The following ILDR1 variants were observed in gnomAD, a reference collection of about 807,000 sequenced individuals.
ILDR1 encodes the protein immunoglobulin like domain containing receptor 1.
ILDR1 carries 56 observed loss-of-function variants against 62.4 expected under a neutral mutation model. The ratio of observed to expected loss-of-function variants is 0.90; its 90% CI spans 0.72 to 1.12. ILDR1 has a LOEUF of 1.12. ILDR1 is among the 50% of genes most tolerant of loss of function. ILDR1 has a pLI of 0.00. For synonymous variants in ILDR1, 284 were observed against 277.8 expected, an observed-to-expected ratio of 1.02 and a Z score of -0.22; for missense variants, 736 against 710.6, an observed-to-expected ratio of 1.04 and a Z score of -0.41.
At chr3:122,030,615 A>T in the ILDR1 span, among the ~76,000 whole-genome samples, 1 of 132,254 alleles carries the variant, frequency 7.6e-6, no homozygotes, top group Non-Finnish European at 1.6e-5. Context: ...ACAAAGAGGC[A>T]AGGGTTTTTC....
the ILDR1 span, among the ~76,000 whole-genome samples, chr3:122,038,841 C>A: frequency 6.6e-6 from 1 of 151,842 alleles, no homozygotes; most frequent in Non-Finnish European, 1.5e-5. Flanking sequence ...ATTGCATGGA[C>A]AGAAATAAAT....
At chr3:122,055,244 C>G in the ILDR1 span, 1 of 473,480 alleles carries the variant, frequency 2.1e-6, no homozygotes. Flanking sequence ...ACATATAGAC[C>G]TACGTCAATG....
At chr3:122,013,042 C>T (rs2071727104) in intron 1 of ILDR1, among the ~76,000 whole-genome samples, 1 of 152,118 alleles carries the variant, frequency 6.6e-6, no homozygotes, top group Non-Finnish European at 1.5e-5. Context: ...CTGATTCCCG[C>T]CATCAGGTAC....
At chr3:122,042,401 G>A in the ILDR1 span, among the ~76,000 whole-genome samples, 1 of 76,328 alleles carries the variant, frequency 1.3e-5, no homozygotes, top group Non-Finnish European at 2.6e-5. Context: ...CTTTATAGCA[G>A]CATGATTTAT....
intron 7 of ILDR1, among the ~76,000 whole-genome samples, chr3:121,992,738 G>A (rs2071368014): frequency 6.6e-6 from 1 of 152,226 alleles, no homozygotes; most frequent in African/African-American, 2.4e-5. Flanking sequence ...TTGGGGTATG[G>A]AAATGGGTTG....
At chr3:122,008,211 G>A (rs750752175) in intron 1 of ILDR1, among the ~76,000 whole-genome samples, 2 of 152,206 alleles carry the variant, frequency 1.3e-5, no homozygotes, top group Non-Finnish European at 2.9e-5. Flanking sequence ...AAGAAATTAA[G>A]AGGAGATTTT....
upstream of ILDR1, among the ~76,000 whole-genome samples, chr3:122,025,669 G>A (rs72965418): frequency 0.076 from 11,539 of 152,136 alleles, 1,334 homozygotes; most frequent in African/African-American, 0.25. Context: ...GTGCATCTGT[G>A]TTAGAATAAT....
At chr3:122,018,308 G>A (rs561109492) in intron 1 of ILDR1, among the ~76,000 whole-genome samples, 28 of 147,916 alleles carry the variant, frequency 1.9e-4, no homozygotes, top group Non-Finnish European at 3.6e-4. Context: ...ACCAAATACC[G>A]CATGTTCTCA....
chr3:122,023,685 T>C (rs1262277046), upstream of ILDR1, among the ~76,000 whole-genome samples: 1 of 152,178 alleles, frequency 6.6e-6, no homozygotes, highest in Non-Finnish European at 1.5e-5. Flanking sequence ...TTTTCCCCAG[T>C]GGGCCTCTTC....
At chr3:122,018,756 G>A (rs2071814331) in intron 1 of ILDR1, among the ~76,000 whole-genome samples, 1 of 152,200 alleles carries the variant, frequency 6.6e-6, no homozygotes, top group Non-Finnish European at 1.5e-5. Flanking sequence ...GTTCAACAGA[G>A]CTCTGGGATT....
the ILDR1 span, among the ~76,000 whole-genome samples, chr3:122,044,718 G>A: frequency 2.0e-5 from 3 of 151,584 alleles, no homozygotes; most frequent in South Asian, 2.1e-4. Context: ...GGTGTTTGTA[G>A]TATTCTCTGA....
At chr3:122,047,669 C>A in the ILDR1 span, among the ~76,000 whole-genome samples, 3 of 152,248 alleles carry the variant, frequency 2.0e-5, no homozygotes, top group South Asian at 6.2e-4. Context: ...TGGGAGTGAC[C>A]CGATTTTCCA....
intron 5 of ILDR1, 38 bp downstream of exon 5, chr3:122,001,270 A>C: frequency 6.2e-7 from 1 of 1,613,000 alleles, no homozygotes; most frequent in Non-Finnish European, 8.5e-7. Context: ...CCTGGTCCCT[A>C]ATCCACTCCA....
At chr3:122,026,070 A>G (rs1309175665), upstream of ILDR1, among the ~76,000 whole-genome samples, 2 of 152,224 alleles carry the variant, frequency 1.3e-5, no homozygotes, top group African/African-American at 4.8e-5. Context: ...AACAATAAGC[A>G]CTTAAGTTTT....
intron 1 of ILDR1, among the ~76,000 whole-genome samples, chr3:122,008,187 T>A (rs2071644257): frequency 6.6e-6 from 1 of 152,150 alleles, no homozygotes; most frequent in Admixed American, 6.5e-5. Flanking sequence ...ACAAACTGGA[T>A]CAAGAAAGAC....
At chr3:122,017,252 T>C (rs931305721) in intron 1 of ILDR1, among the ~76,000 whole-genome samples, 3 of 152,186 alleles carry the variant, frequency 2.0e-5, no homozygotes, top group Non-Finnish European at 2.9e-5. Context: ...TTTCGCCATG[T>C]TGGCCAGGCT....
At chr3:121,996,084 AT>A (rs1176530249) in intron 5 of ILDR1, among the ~76,000 whole-genome samples, 1 of 152,128 alleles carries the variant, frequency 6.6e-6, no homozygotes, top group Non-Finnish European at 1.5e-5. Context: ...CTCTCCTTCC[AT>A]AGCCTCGGGA....
intron 3 of ILDR1, 91 bp from the exon 4 acceptor site, chr3:122,001,955 A>G (rs2071534471): frequency 1.4e-6 from 2 of 1,439,648 alleles, no homozygotes; most frequent in Non-Finnish European, 9.7e-7. Flanking sequence ...GCAGCATGGC[A>G]AGACCTTGTA....
chr3:122,012,150 A>T (rs1286643600), intron 1 of ILDR1, among the ~76,000 whole-genome samples: 1 of 152,188 alleles, frequency 6.6e-6, no homozygotes, highest in Non-Finnish European at 1.5e-5. Context: ...CTGTAAACCT[A>T]ACCACACTGG....
Sources: gnomAD v4.1 joint callset for allele counts (sites outside exome capture counted in the v4.1 genomes callset) on GRCh38, gnomAD v4.1.1 for gene constraint, MANE v1.5 for transcripts, NCBI Gene and HGNC (gene_info 2026-07-23, HGNC 2026-07-21) for gene names.